The following DST variants were observed in gnomAD, a reference collection of about 807,000 sequenced individuals.
The protein encoded by DST is dystonin.
In DST, 253 loss-of-function variants were observed where a neutral mutation model predicts 875.2. The observed-to-expected ratio is 0.29, with a 90% CI of 0.26 to 0.32. DST has a LOEUF of 0.32. Ranked by LOEUF, DST falls within the 10% of genes least tolerant of loss-of-function variation. The probability of loss-of-function intolerance (pLI) is 1.00; values close to 1 mark genes in which losing one functional copy is unlikely to be tolerated. For synonymous variants in DST, 3,124 were observed against 3,197.1 expected (o/e 0.98, Z 0.77); for missense variants, 8,287 against 9,111.6 (o/e 0.91, Z 3.68).
intron 36 of DST, chr6:56,616,994 T>G (rs1586752284): frequency 6.2e-7 from 1 of 1,609,778 alleles, no homozygotes; most frequent in East Asian, 2.2e-5. Flanking sequence ...TATGATTCTC[T>G]CGGCCGCTGA....
intron 61 of DST, among the ~76,000 whole-genome samples, chr6:56,544,595 T>C (rs998964998): frequency 6.6e-6 from 1 of 152,218 alleles, no homozygotes; most frequent in Non-Finnish European, 1.5e-5. Context: ...TAGCCACCAC[T>C]GTCCTTACAC....
At chr6:56,590,546 AATAT>A in intron 49 of DST, among the ~76,000 whole-genome samples, 1 of 152,142 alleles carries the variant, frequency 6.6e-6, no homozygotes, top group Non-Finnish European at 1.5e-5. Context: ...CTTGTCCTTG[AATAT>A]ACAATACATG....
At chr6:56,700,361 C>G (rs1327927488) in intron 8 of DST, among the ~76,000 whole-genome samples, 3 of 152,062 alleles carry the variant, frequency 2.0e-5, no homozygotes, top group African/African-American at 7.2e-5. Context: ...AAATACAACT[C>G]CTCAAGTGAG....
intron 5 of DST, among the ~76,000 whole-genome samples, chr6:56,719,925 C>G (rs13192567): frequency 0.24 from 35,914 of 152,074 alleles, 5,502 homozygotes; most frequent in African/African-American, 0.43. Context: ...GGAGGCAGGG[C>G]GAGATCACAG....
chr6:56,904,174 CAAT>C (rs1304130350), intron 2 of DST, among the ~76,000 whole-genome samples: 2 of 152,060 alleles, frequency 1.3e-5, no homozygotes, highest in Non-Finnish European at 2.9e-5. Context: ...GTCTTGAACA[CAAT>C]AGTGTATTAT....
intron 3 of DST, among the ~76,000 whole-genome samples, chr6:56,878,450 C>T (rs1352911293): frequency 1.3e-5 from 2 of 152,152 alleles, no homozygotes; most frequent in Non-Finnish European, 2.9e-5. Context: ...TTTGGGAGAT[C>T]TGTCATGGAC....
intron 5 of DST, among the ~76,000 whole-genome samples, chr6:56,729,192 G>A (rs779153920): frequency 6.6e-6 from 1 of 152,034 alleles, no homozygotes; most frequent in Non-Finnish European, 1.5e-5. Flanking sequence ...ATAAATCTAA[G>A]GTCTGGGGAA....
At chr6:56,711,237 C>T (rs1422572114) in intron 5 of DST, among the ~76,000 whole-genome samples, 1 of 152,072 alleles carries the variant, frequency 6.6e-6, no homozygotes, top group African/African-American at 2.4e-5. Context: ...TACAGATAAA[C>T]ACTTTAAGAT....
At chr6:56,713,348 T>G (rs57488435) in intron 5 of DST, among the ~76,000 whole-genome samples, 9,934 of 152,222 alleles carry the variant, frequency 0.065, 1,005 homozygotes, top group African/African-American at 0.22. Flanking sequence ...ATCATCTCTT[T>G]TGGGGCTTTT....
chr6:56,739,102 C>T (rs77480279), intron 4 of DST, among the ~76,000 whole-genome samples: 3,076 of 147,192 alleles, frequency 0.021, 39 homozygotes, highest in Middle Eastern at 0.034. Flanking sequence ...CTTTGTCTAC[C>T]ACATACTAGA....
intron 10 of DST, among the ~76,000 whole-genome samples, chr6:56,652,433 A>G (rs1365664882): frequency 6.6e-6 from 1 of 152,242 alleles, no homozygotes; most frequent in African/African-American, 2.4e-5. Flanking sequence ...TAGCTTACAA[A>G]GAAAGGCTCT....
chr6:56,775,251 A>C (rs1256712477), intron 4 of DST, among the ~76,000 whole-genome samples: 1 of 152,120 alleles, frequency 6.6e-6, no homozygotes, highest in African/African-American at 2.4e-5. Context: ...GGCATCCTCT[A>C]AACAACCCTA....
chr6:56,526,525 A>T lies in DST; in HGVS notation c.17965T>A (p.Ser5989Thr), dbSNP rs1239078416. ...EAKNNKALLD[S>T]LNEVSSALLE... The stretch of plus-strand genomic sequence containing the variant: ...AAAGCACTGCTCACTTCATTAAGGG[A>T]GTCCAGTAAGGCTTTGTTGTTCTTA... Residue 5989 changes from serine to threonine, a missense_variant, in exon 69 of 104, where the codon TCC becomes ACC. Around this residue, in one of 10 missense-constraint regions of DST, gnomAD observed 777 missense variants for 764.8 expected, o/e 1.02. Coordinates refer to ENST00000680361, the MANE Select transcript of DST (RefSeq NM_001374736.1). The T allele has an allele frequency of 6.2e-7, 1 of 1,613,608 alleles. No homozygotes were observed. Among genetic ancestry groups the T allele is most frequent in the African/African-American group, 1.3e-5 (1 of 74,876 alleles).
At position 56,614,486 on chromosome 6, in the gene DST, T is replaced by A; in HGVS notation, c.4930-2A>T. ...TTTCTTTTCTTCTTCCAGTGACTTC[T>A]GACAGTTGTGAGCGGTAAGAAAAAT... On this transcript the variant is annotated splice_acceptor_variant, in intron 36 of 103. Coordinates refer to ENST00000680361, the MANE Select transcript of DST (RefSeq NM_001374736.1). LOFTEE classifies it high-confidence loss of function. The A allele has an allele frequency of 6.2e-7, 1 of 1,601,404 alleles. No individual in the cohort carries two copies.
At chr6:56,770,559 T>C (rs1473219170) in intron 4 of DST, among the ~76,000 whole-genome samples, 1 of 152,192 alleles carries the variant, frequency 6.6e-6, no homozygotes, top group Non-Finnish European at 1.5e-5. Flanking sequence ...CACTACTGGA[T>C]AAACTAAAAG....
intron 3 of DST, among the ~76,000 whole-genome samples, chr6:56,893,588 A>ATTTTTTTTT (rs1788963958): frequency 1.5e-5 from 1 of 65,140 alleles, no homozygotes; most frequent in Non-Finnish European, 2.8e-5. Context: ...TTTTTTTTTT[A>ATTTTTTTTT]TTTTTTTTTA....
chr6:56,492,465 CAAAT>C lies in DST; in HGVS notation c.20551-36_20551-33del, dbSNP rs747791439. 7.0e-6 allele frequency: 11 copies of C among 1,582,502 alleles called. No homozygotes were observed. In the African/African-American group the frequency reaches 1.4e-4, roughly 20 times the overall value. On this transcript the variant is annotated intron_variant, in intron 84 of 103. Transcript: ENST00000680361. ...CAGAAAAAAAGGAAATAAGTAGAAACAAATGAAAATCAGATCAATCTTAAAAATG... is the reference window on the plus strand; with the variant it reads ...CAGAAAAAAAGGAAATAAGTAGAAACGAAAATCAGATCAATCTTAAAAATG...
At chr6:56,934,984 A>G (rs2127770700) in intron 2 of DST, among the ~76,000 whole-genome samples, 1 of 152,290 alleles carries the variant, frequency 6.6e-6, no homozygotes, top group Middle Eastern at 3.4e-3. Flanking sequence ...TGTTAGCTTC[A>G]TGGATGATTC....
chr6:56,912,403 A>G (rs73459729), intron 2 of DST, among the ~76,000 whole-genome samples: 4,398 of 152,298 alleles, frequency 0.029, 205 homozygotes, highest in African/African-American at 0.095. Context: ...TAAGTACTCA[A>G]TATCATATGT....
Sources: gnomAD v4.1 joint callset for allele counts (sites outside exome capture counted in the v4.1 genomes callset) on GRCh38, gnomAD v4.1.1 for gene constraint, gnomAD v4.1.1 regional missense constraint, MANE v1.5 for transcripts, NCBI Gene and HGNC (gene_info 2026-07-23, HGNC 2026-07-21) for gene names.